ADD3: variants seen among roughly 807,000 people sequenced by gnomAD.
ADD3 encodes gamma-adducin.
A neutral mutation model predicts 80.2 loss-of-function variants in ADD3; 25 were observed. That is an observed-to-expected ratio of 0.31 (90% CI 0.23 to 0.44). ADD3 has a LOEUF of 0.44. Among genes scored for constraint, ADD3 ranks in the 20% least tolerant of loss-of-function variants. ADD3 has a pLI of 1.00. For missense variants in ADD3, 829 were observed against 847.5 expected (o/e 0.98, Z 0.27); for synonymous variants, 284 against 289.6 (o/e 0.98, Z 0.20).
At chr10:110,002,025 G>A (rs1249328882), upstream of ADD3, among the ~76,000 whole-genome samples, 2 of 152,120 alleles carry the variant, frequency 1.3e-5, no homozygotes, top group Non-Finnish European at 2.9e-5. Flanking sequence ...GGGTGTGGTG[G>A]CTCACCCCTG....
At position 110,119,205 on chromosome 10, in the gene ADD3, A is replaced by C. The variant is rs1565017224; in HGVS notation, c.718-6A>C. 2 of 1,614,020 alleles carry C rather than the reference A, an allele frequency of 1.2e-6. No homozygotes were observed. Among genetic ancestry groups the C allele is most frequent in the Admixed American group, 1.7e-5 (1 of 60,010 alleles). On this transcript the variant is annotated splice_region_variant and splice_polypyrimidine_tract_variant and intron_variant, in intron 6 of 14. Coordinates refer to ENST00000356080, the MANE Select transcript of ADD3 (RefSeq NM_016824.5). ...GTGTTATCTTGGTATGGGCCAAACC[A>C]AATAGGTATCCTCCATGAAATGTGG...
chr10:110,104,439 G>T (rs925086471), intron 2 of ADD3, among the ~76,000 whole-genome samples: 3 of 152,128 alleles, frequency 2.0e-5, no homozygotes, highest in African/African-American at 4.8e-5. Context: ...GGGTGCAAAG[G>T]CCCCTTTTCC....
intron 2 of ADD3, among the ~76,000 whole-genome samples, chr10:110,111,217 A>C (rs756330559): frequency 4.6e-5 from 7 of 152,186 alleles, no homozygotes; most frequent in Non-Finnish European, 8.8e-5. Context: ...TCTCCCTCTT[A>C]GGCAGAGTGG....
At chr10:110,099,430 T>TA (rs1311068509) in intron 1 of ADD3, among the ~76,000 whole-genome samples, 18 of 152,188 alleles carry the variant, frequency 1.2e-4, no homozygotes, top group Non-Finnish European at 1.2e-4. Context: ...GACCATAACT[T>TA]AGAGTTTCTA....
intron 1 of ADD3, among the ~76,000 whole-genome samples, chr10:110,092,361 A>G (rs934969423): frequency 6.6e-6 from 1 of 152,244 alleles, no homozygotes; most frequent in African/African-American, 2.4e-5. Flanking sequence ...AATTTGGTAC[A>G]TATATACCTT....
rs1853493880 is a variant in ADD3 at position 110,135,025 on chromosome 10, T to G, written c.*1407T>G. On this transcript the variant is annotated 3_prime_UTR_variant, in exon 15 of 15. Coordinates refer to ENST00000356080, the MANE Select transcript of ADD3 (RefSeq NM_016824.5). Reference sequence around the variant, plus strand: ...TCACAGTTCGATGCAAAATCAATGATCCAGAATGATCGTGGGTAAAAATAA... The same window carrying G: ...TCACAGTTCGATGCAAAATCAATGAGCCAGAATGATCGTGGGTAAAAATAA... 6.6e-6 allele frequency: 1 copy of G among 152,220 alleles called. No individual in the cohort carries two copies. Among genetic ancestry groups the G allele is most frequent in the African/African-American group, 2.4e-5 (1 of 41,466 alleles). 9.4% of individuals were successfully genotyped at this position (152,220 alleles called of 1,614,324 possible).
intron 1 of ADD3, among the ~76,000 whole-genome samples, chr10:110,097,206 G>A (rs967936911): frequency 6.6e-6 from 1 of 152,120 alleles, no homozygotes. Context: ...GCTTTCATAT[G>A]TATGACTGTT....
At chr10:110,103,425 A>T (rs1849062693) in intron 2 of ADD3, among the ~76,000 whole-genome samples, 1 of 152,184 alleles carries the variant, frequency 6.6e-6, no homozygotes, top group Non-Finnish European at 1.5e-5. Flanking sequence ...GGGCTGGAGG[A>T]TCCACTCTTA....
chr10:110,118,514 C>G, intron 5 of ADD3, 73 bp from the exon 6 acceptor site: 1 of 1,359,588 alleles, frequency 7.4e-7, no homozygotes, highest in Non-Finnish European at 1.0e-6. Flanking sequence ...TTTGCTACCC[C>G]CTGGTTTAGC....
chr10:110,019,675 T>C (rs1423036436), intron 1 of ADD3, among the ~76,000 whole-genome samples: 1 of 152,160 alleles, frequency 6.6e-6, no homozygotes, highest in African/African-American at 2.4e-5. Context: ...ATATAAAATA[T>C]GTGAGCCATT....
chr10:110,013,833 G>T (rs1852613305), intron 1 of ADD3, among the ~76,000 whole-genome samples: 1 of 152,174 alleles, frequency 6.6e-6, no homozygotes, highest in African/African-American at 2.4e-5. Context: ...TGGTTTGTTG[G>T]TTACCTACTA....
At chr10:110,048,905 T>G (rs1055804162) in intron 1 of ADD3, among the ~76,000 whole-genome samples, 1 of 152,162 alleles carries the variant, frequency 6.6e-6, no homozygotes, top group African/African-American at 2.4e-5. Flanking sequence ...GCCAAAACAA[T>G]GGGGAAAATG....
At chr10:110,126,875 G>A (rs1852235318) in intron 12 of ADD3, among the ~76,000 whole-genome samples, 1 of 152,124 alleles carries the variant, frequency 6.6e-6, no homozygotes, top group Admixed American at 6.5e-5. Context: ...AGCATCTTCT[G>A]CTTTTTCTTG....
At chr10:110,063,572 A>G (rs1843460524) in intron 1 of ADD3, among the ~76,000 whole-genome samples, 1 of 151,558 alleles carries the variant, frequency 6.6e-6, no homozygotes, top group Non-Finnish European at 1.5e-5. Flanking sequence ...AACAGAAAAA[A>G]TGGCATCAAG....
chr10:110,051,296 G>A (rs10749023), intron 1 of ADD3, among the ~76,000 whole-genome samples: 142,304 of 152,298 alleles, frequency 0.93, 66,715 homozygotes, highest in East Asian at 1. Context: ...GGAAAAATAG[G>A]TAATTGAACT....
chr10:110,043,585 C>T (rs892619128), intron 1 of ADD3, among the ~76,000 whole-genome samples: 1 of 152,176 alleles, frequency 6.6e-6, no homozygotes, highest in Non-Finnish European at 1.5e-5. Flanking sequence ...ATTTTTTCCA[C>T]TGCATAAGTT....
chr10:110,092,952 TG>T (rs1847728005), intron 1 of ADD3, among the ~76,000 whole-genome samples: 1 of 152,096 alleles, frequency 6.6e-6, no homozygotes, highest in Non-Finnish European at 1.5e-5. Flanking sequence ...CTCCACCTCC[TG>T]GGTTCAAGCA....
Position 110,133,936 on chromosome 10 carries a change from A to T in ADD3, c.*318A>T, listed in dbSNP as rs929948037. 5.6e-6 allele frequency: 1 copy of T among 179,632 alleles called. No individual in the cohort carries two copies. Among genetic ancestry groups the T allele is most frequent in the Non-Finnish European group, 1.2e-5 (1 of 86,792 alleles). 11.1% of individuals were successfully genotyped at this position (179,632 alleles called of 1,614,324 possible). A position where few individuals can be genotyped will look rare whatever the true frequency, so the allele number is the denominator to read the frequency against. On this transcript the variant is annotated 3_prime_UTR_variant, in exon 15 of 15. Transcript: ENST00000356080. ...TTCTCCATAATATCTGTTAGAAAGA[A>T]ATTGCCAGTGAGCAAGTGAGAATTT...
At chr10:110,096,534 GACTGAGTAGC>G (rs1239072364) in intron 1 of ADD3, among the ~76,000 whole-genome samples, 1 of 152,132 alleles carries the variant, frequency 6.6e-6, no homozygotes, top group Non-Finnish European at 1.5e-5. Flanking sequence ...TCTGTATGTT[GACTGAGTAGC>G]ACCTTACCTG....
Sources: allele counts gnomAD v4.1 joint callset (sites outside exome capture counted in the v4.1 genomes callset), GRCh38; gene constraint gnomAD v4.1.1; transcripts MANE v1.5; gene names NCBI Gene and HGNC (gene_info 2026-07-23, HGNC 2026-07-21).